The following EMC1 variants were observed in gnomAD, a reference collection of about 807,000 sequenced individuals.
EMC1 encodes the protein KIAA0090.
Under a neutral mutation model 128.8 loss-of-function variants are expected in EMC1, and 103 were observed. That is an observed-to-expected ratio of 0.80 (90% confidence interval 0.68 to 0.94). The LOEUF is 0.94. EMC1 is among the 40% of genes least tolerant of loss of function. The pLI is 0.00. For synonymous variants in EMC1, 442 were observed against 490.4 expected, an observed-to-expected ratio of 0.90 and a Z score of 1.30; for missense variants, 1,083 against 1,250.6, an observed-to-expected ratio of 0.87 and a Z score of 2.02.
Position 19,240,318 on chromosome 1 carries a change from C to T in EMC1, c.765G>A (p.Glu255=), listed in dbSNP as rs774123194. The T allele has an allele frequency of 9.3e-6, 15 of 1,614,084 alleles. No individual in the cohort carries two copies. In the Admixed American group the frequency reaches 1.5e-4, roughly 16 times the overall value. Residue 255 remains glutamate (E), a synonymous_variant, in exon 7 of 23, where the codon GAG becomes GAA. Transcript: ENST00000477853. The part of the protein sequence containing the change: ...LQTLALETEW[E]LRQIPLQSLD... The stretch of plus-strand genomic sequence containing the variant: ...TCACCTGCAGTGGGATCTGTCTCAA[C>T]TCCCATTCCGTCTCCAGAGCCAAAG...
chr1:19,251,378 G>T (rs984061972), intron 1 of EMC1, 37 bp downstream of exon 1: 2 of 1,572,200 alleles, frequency 1.3e-6, no homozygotes, highest in Non-Finnish European at 8.8e-7. Context: ...TGGGGAAACA[G>T]CCACTTATCT....
In EMC1 at chr1:19,219,698, T is replaced by C. The variant is rs2093416769; in HGVS notation, c.2673A>G (p.Arg891=). The C allele has an allele frequency of 1.9e-6, 3 of 1,613,952 alleles. No homozygotes were observed. Among genetic ancestry groups the C allele is most frequent in the African/African-American group, 2.7e-5 (2 of 74,912 alleles). The change falls in exon 22 of 23, where the codon AGA becomes AGG. Residue 891 remains arginine (R), a splice_region_variant and synonymous_variant. Transcript: ENST00000477853. ...GAGAATACGGGATTAAGTTCTCCTCTCTGCAAAACACCAGCCGGGACAGGC... is the reference window on the plus strand; with the variant it reads ...GAGAATACGGGATTAAGTTCTCCTCCCTGCAAAACACCAGCCGGGACAGGC... ...RRPEIPTEQS[R]EENLIPYSPD...
chr1:19,241,205 G>A (rs1360743057), intron 5 of EMC1, 63 bp from the exon 6 acceptor site: 2 of 1,584,774 alleles, frequency 1.3e-6, no homozygotes, highest in African/African-American at 1.4e-5. Flanking sequence ...TATCCTCAGG[G>A]GCTGCCAGGC....
chr1:19,222,488 G>A (rs1007171218), intron 20 of EMC1, 136 bp downstream of exon 20: 22 of 716,404 alleles, frequency 3.1e-5, no homozygotes, highest in Middle Eastern at 3.8e-4. Context: ...TTTTTCCACC[G>A]ATATATAGCC....
intron 17 of EMC1, among the ~76,000 whole-genome samples, chr1:19,228,880 C>T (rs1222156653): frequency 1.3e-5 from 2 of 151,932 alleles, no homozygotes; most frequent in African/African-American, 2.4e-5. Context: ...GGTGAAACCC[C>T]GTCTCTACTG....
In EMC1 at chr1:19,232,703, G is replaced by A. The variant is rs1289935855; in HGVS notation, c.1703C>T (p.Ser568Phe). 3 of 1,614,192 alleles carry A rather than the reference G, an allele frequency of 1.9e-6. No individual in the cohort carries two copies. Among genetic ancestry groups the A allele is most frequent in the Non-Finnish European group, 2.5e-6 (3 of 1,180,018 alleles). Residue 568 changes from serine to phenylalanine, a missense_variant, in exon 15 of 23, where the codon TCC (serine) becomes TTC (phenylalanine). By Grantham distance (155) the Ser-to-Phe change is radical (BLOSUM62 -2). Transcript: ENST00000477853. ...KQYLPNVKPDSSFKLMVQRTT... is the reference protein window; with the variant it reads ...KQYLPNVKPDFSFKLMVQRTT... ...TCTCTGGACCATCAGTTTAAAGGAGGAGTCTGGCTTGACATTGGGTAGATA... is the reference window on the plus strand; with the variant it reads ...TCTCTGGACCATCAGTTTAAAGGAGAAGTCTGGCTTGACATTGGGTAGATA...
At chr1:19,244,252 A>G (rs1284719366) in intron 2 of EMC1, among the ~76,000 whole-genome samples, 1 of 152,188 alleles carries the variant, frequency 6.6e-6, no homozygotes, top group Non-Finnish European at 1.5e-5. Context: ...CATATAAACA[A>G]ACAACAATAA....
intron 11 of EMC1, 57 bp downstream of exon 11, chr1:19,237,960 G>A (rs2093578275): frequency 3.8e-6 from 6 of 1,590,148 alleles, no homozygotes; most frequent in South Asian, 1.1e-5. Context: ...CCTGAGGAAA[G>A]GAAGCCATGT....
intron 5 of EMC1, 59 bp from the exon 6 acceptor site, chr1:19,241,201 C>T: frequency 6.3e-7 from 1 of 1,585,052 alleles, no homozygotes; most frequent in South Asian, 1.1e-5. Context: ...GGATTATCCT[C>T]AGGGGCTGCC....
In EMC1 at chr1:19,244,006, T is replaced by A; in HGVS notation, c.230A>T (p.His77Leu). 1.9e-6 allele frequency: 3 copies of A among 1,614,088 alleles called. No individual in the cohort carries two copies. Among genetic ancestry groups the A allele is most frequent in the Non-Finnish European group, 2.5e-6 (3 of 1,180,010 alleles). The change falls in exon 3 of 23, where the codon CAT becomes CTT. Residue 77 changes from histidine (H) to leucine (L), a missense_variant. Transcript: ENST00000477853. Reference sequence around the variant, plus strand: ...CCCTTCTGCCGTGCCCTTGTCAACATGGCGCCACACTGAGAGACATGAAAG... The same window carrying A: ...CCCTTCTGCCGTGCCCTTGTCAACAAGGCGCCACACTGAGAGACATGAAAG... ...NSRTGEILWR[H>L]VDKGTAEGAV...
At position 19,242,434 on chromosome 1, in the gene EMC1, T is replaced by C. The variant is rs770262112; in HGVS notation, c.420A>G (p.Val140=). 3 of 1,614,042 alleles carry C rather than the reference T, an allele frequency of 1.9e-6. No individual in the cohort carries two copies. The African/African-American group carries it at 4.0e-5, about 22-fold the overall frequency. ...ALGLVGLQES[V]RYIAVLKKTT... Reference sequence around the variant, plus strand: ...TCTTCTTCAGGACTGCGATGTACCTTACAGACTCCTGCAGGCCAACCAGCC... The same window carrying C: ...TCTTCTTCAGGACTGCGATGTACCTCACAGACTCCTGCAGGCCAACCAGCC... The change falls in exon 5 of 23, where the codon GTA becomes GTG. Residue 140 remains valine (V), a synonymous_variant. Coordinates refer to ENST00000477853, the MANE Select transcript of EMC1 (RefSeq NM_015047.3).
At chr1:19,251,278 G>A (rs2093658030) in intron 1 of EMC1, 137 bp downstream of exon 1, 3 of 766,024 alleles carry the variant, frequency 3.9e-6, no homozygotes, top group Non-Finnish European at 6.5e-6. Flanking sequence ...TTTTAACAAG[G>A]GGCCCCACGT....
chr1:19,236,064 G>A (rs1253858350), intron 12 of EMC1, among the ~76,000 whole-genome samples: 1 of 152,060 alleles, frequency 6.6e-6, no homozygotes, highest in Non-Finnish European at 1.5e-5. Flanking sequence ...CACCGAGAAT[G>A]CCAAGTTATT....
chr1:19,251,483 G>A lies in EMC1; in HGVS notation c.27C>T (p.Phe9=), dbSNP rs911411745. 1 of 1,614,160 alleles carries A rather than the reference G, an allele frequency of 6.2e-7. No homozygotes were observed. Among genetic ancestry groups the A allele is most frequent in the Non-Finnish European group, 8.5e-7 (1 of 1,180,042 alleles). Reference sequence around the variant, plus strand: ...GAATCAGCAGCGTAGCCCAAAGCCAGAAACGAGAAGCCCACTCAGCCGCCA... The same window carrying A: ...GAATCAGCAGCGTAGCCCAAAGCCAAAAACGAGAAGCCCACTCAGCCGCCA... The part of the protein sequence containing the change: MAAEWASR[F]WLWATLLIPA... The change falls in exon 1 of 23, where the codon TTC becomes TTT. Residue 9 remains phenylalanine, a synonymous_variant. Coordinates refer to ENST00000477853, the MANE Select transcript of EMC1 (RefSeq NM_015047.3).
chr1:19,235,075 A>C (rs2093552898), intron 13 of EMC1, 55 bp downstream of exon 13: 1 of 1,589,932 alleles, frequency 6.3e-7, no homozygotes, highest in Non-Finnish European at 8.6e-7. Flanking sequence ...TCTTGTGGTC[A>C]TTTCCAGACT....
At chr1:19,231,480 T>C (rs940926450) in intron 15 of EMC1, 58 bp from the exon 16 acceptor site, 19 of 1,549,224 alleles carry the variant, frequency 1.2e-5, no homozygotes, top group African/African-American at 1.0e-4. Context: ...ATCCTAGGGA[T>C]AGACCTGAAG....
At chr1:19,228,525 A>G (rs2093495284) in intron 17 of EMC1, among the ~76,000 whole-genome samples, 1 of 152,168 alleles carries the variant, frequency 6.6e-6, no homozygotes, top group Non-Finnish European at 1.5e-5. Context: ...AAAGGGCACA[A>G]GGGCCTTCTA....
chr1:19,243,871 G>T, intron 3 of EMC1, 79 bp downstream of exon 3: 1 of 1,525,464 alleles, frequency 6.6e-7, no homozygotes, highest in African/African-American at 1.4e-5. Flanking sequence ...TTCCCTACCA[G>T]ACCCTGTACA....
At chr1:19,250,997 C>G (rs146077286) in intron 1 of EMC1, among the ~76,000 whole-genome samples, 157 of 152,292 alleles carry the variant, frequency 1.0e-3, no homozygotes, top group Admixed American at 3.0e-3. Context: ...ACTTTTAAGA[C>G]GAAAGCTCCT....
Sources: gnomAD v4.1 joint callset for allele counts (sites outside exome capture counted in the v4.1 genomes callset) on GRCh38, gnomAD v4.1.1 for gene constraint, MANE v1.5 for transcripts, NCBI Gene and HGNC (gene_info 2026-07-23, HGNC 2026-07-21) for gene names.